The following BMPR1A variants were observed in gnomAD, a reference collection of about 807,000 sequenced individuals.
BMPR1A encodes bone morphogenetic protein receptor type 1A, also known as bone morphogenetic protein receptor type-1A.
Under a neutral mutation model 66.0 loss-of-function variants are expected in BMPR1A, and 7 were observed. The observed-to-expected ratio is 0.11, with a 90% confidence interval of 0.06 to 0.20. The LOEUF (loss-of-function observed/expected upper bound fraction) is 0.20, where lower values mean the gene tolerates loss of function less well. Ranked by LOEUF, BMPR1A falls within the 10% of genes least tolerant of loss-of-function variation. The probability of loss-of-function intolerance (pLI) is 1.00; values close to 1 mark genes in which losing one functional copy is unlikely to be tolerated. For missense variants in BMPR1A, 408 were observed against 669.1 expected, an observed-to-expected ratio of 0.61 and a Z score of 4.31; for synonymous variants, 200 against 229.7, an observed-to-expected ratio of 0.87 and a Z score of 1.17.
At chr10:86,829,395 C>CCCTTGTG (rs1328749461) in intron 1 of BMPR1A, among the ~76,000 whole-genome samples, 6 of 152,076 alleles carry the variant, frequency 3.9e-5, no homozygotes, top group Non-Finnish European at 7.4e-5. Context: ...AAGGAGAGGT[C>CCCTTGTG]CCTTGTGCCT....
rs1472123143 is a variant in BMPR1A at position 86,925,412 on chromosome 10, T to G, written c.*1693T>G. ...CCCATTACCAAAATTTGACTATCAT[T>G]TAAGGTTAAAACTTACAAATTTGTC... On this transcript the variant is annotated 3_prime_UTR_variant, in exon 13 of 13. Transcript: ENST00000372037. 1.4e-5 allele frequency: 3 copies of G among 217,470 alleles called. No individual in the cohort carries two copies. The highest frequency in any genetic ancestry group is 2.8e-5 in the Non-Finnish European group (3 of 108,266). 13.5% of individuals were successfully genotyped at this position (217,470 alleles called of 1,614,324 possible). A position where few individuals can be genotyped will look rare whatever the true frequency, so the allele number is the denominator to read the frequency against.
At chr10:86,883,214 C>A (rs1280554195) in intron 3 of BMPR1A, among the ~76,000 whole-genome samples, 1 of 151,772 alleles carries the variant, frequency 6.6e-6, no homozygotes. Context: ...CTTGGCTGGG[C>A]ACGTTAGCTC....
rs575952836 is a variant in BMPR1A at position 86,880,104 on chromosome 10, A to G, written c.67+4019A>G. On this transcript the variant is annotated intron_variant, in intron 3 of 12. Coordinates refer to ENST00000372037, the MANE Select transcript of BMPR1A (RefSeq NM_004329.3). ...AGGTCTGATTACTGGAAATTGTCCT[A>G]TGGATTGAAAACTCACAGCCTGACT... Among the ~76,000 whole-genome samples, 2 of 152,310 alleles carry G rather than the reference A, an allele frequency of 1.3e-5. 1 individual carries two copies. Among genetic ancestry groups the G allele is most frequent in the South Asian group, 4.1e-4 (2 of 4,822 alleles).
At chr10:86,917,459 C>CT in intron 9 of BMPR1A, 133 bp downstream of exon 9, 2 of 1,092,686 alleles carry the variant, frequency 1.8e-6, no homozygotes, top group Non-Finnish European at 1.4e-6. Context: ...TAGTAGAATA[C>CT]ACGGTTTGAA....
At chr10:86,853,242 A>T (rs1842596188) in intron 2 of BMPR1A, among the ~76,000 whole-genome samples, 1 of 151,598 alleles carries the variant, frequency 6.6e-6, no homozygotes, top group Non-Finnish European at 1.5e-5. Context: ...TAAAAGAACC[A>T]CCCACTTTCA....
At chr10:86,913,300 T>TTTA (rs1843518640) in intron 8 of BMPR1A, among the ~76,000 whole-genome samples, 1 of 149,712 alleles carries the variant, frequency 6.7e-6, no homozygotes, top group Admixed American at 6.6e-5. Context: ...TTTTTTTTTT[T>TTTA]TTTTTTTTTT....
intron 1 of BMPR1A, among the ~76,000 whole-genome samples, chr10:86,810,273 G>A (rs1458514315): frequency 6.6e-6 from 1 of 152,052 alleles, no homozygotes; most frequent in Admixed American, 6.5e-5. Context: ...GAGCCAACAC[G>A]CCTGGCTGCT....
At chr10:86,861,597 A>G (rs771327353) in intron 2 of BMPR1A, among the ~76,000 whole-genome samples, 5 of 152,174 alleles carry the variant, frequency 3.3e-5, no homozygotes, top group Non-Finnish European at 5.9e-5. Flanking sequence ...TTTGTCTGTA[A>G]TTATTTCCAT....
intron 10 of BMPR1A, among the ~76,000 whole-genome samples, chr10:86,919,742 C>T (rs913804067): frequency 6.6e-6 from 1 of 151,526 alleles, no homozygotes; most frequent in African/African-American, 2.4e-5. Context: ...GTGTCTCACT[C>T]AGTTGCCCAG....
intron 5 of BMPR1A, among the ~76,000 whole-genome samples, chr10:86,899,340 T>G (rs1006582362): frequency 6.6e-6 from 1 of 152,238 alleles, no homozygotes; most frequent in African/African-American, 2.4e-5. Context: ...GATGCTCAAC[T>G]TGCCTCTGCA....
chr10:86,868,778 G>GTTTTTTTTTTTGT (rs1554886242), intron 2 of BMPR1A, among the ~76,000 whole-genome samples: 8 of 141,046 alleles, frequency 5.7e-5, no homozygotes, highest in African/African-American at 2.1e-4. Flanking sequence ...CTTTTCCTGT[G>GTTTTTTTTTTTGT]TTTTTTTTTT....
chr10:86,824,126 A>G (rs1842160888), intron 1 of BMPR1A, among the ~76,000 whole-genome samples: 1 of 72,984 alleles, frequency 1.4e-5, no homozygotes, highest in Non-Finnish European at 2.8e-5. Context: ...TTTCAGTCTC[A>G]CTTGTCTGTC....
intron 1 of BMPR1A, among the ~76,000 whole-genome samples, chr10:86,812,372 A>G (rs74691203): frequency 5.3e-4 from 80 of 152,302 alleles, no homozygotes; most frequent in African/African-American, 1.8e-3. Flanking sequence ...GTGGTTGATT[A>G]TCATTCCATT....
At chr10:86,898,850 C>G (rs1843267045) in intron 5 of BMPR1A, among the ~76,000 whole-genome samples, 1 of 152,068 alleles carries the variant, frequency 6.6e-6, no homozygotes, top group Non-Finnish European at 1.5e-5. Flanking sequence ...CAGTTTAACC[C>G]TAACTTTTTT....
intron 8 of BMPR1A, among the ~76,000 whole-genome samples, chr10:86,913,320 G>A (rs1470361024): frequency 7.1e-6 from 1 of 140,720 alleles, no homozygotes; most frequent in Admixed American, 7.4e-5. Context: ...TGAGGGATGA[G>A]GTTTCTCCAT....
At chr10:86,790,188 A>AAAAATATATATATAT (rs1564685490) in intron 1 of BMPR1A, among the ~76,000 whole-genome samples, 1 of 20,272 alleles carries the variant, frequency 4.9e-5, no homozygotes, top group Non-Finnish European at 7.5e-5. Context: ...AAAAAAAAAA[A>AAAAATATATATATAT]ATATATATAT....
intron 9 of BMPR1A, among the ~76,000 whole-genome samples, chr10:86,918,768 A>C (rs1332599699): frequency 6.6e-6 from 1 of 151,924 alleles, no homozygotes; most frequent in Non-Finnish European, 1.5e-5. Context: ...GACCACAGGC[A>C]CTTGCCACCA....
chr10:86,805,377 T>TACACACACACACACACACACACACAC (rs60828047), intron 1 of BMPR1A, among the ~76,000 whole-genome samples: 19 of 142,984 alleles, frequency 1.3e-4, no homozygotes, highest in African/African-American at 3.6e-4. Context: ...CTCCTACCTG[T>TACACACACACACACACACACACACAC]ACACACACAC....
chr10:86,877,804 A>G (rs865953549), intron 3 of BMPR1A, among the ~76,000 whole-genome samples: 1 of 152,228 alleles, frequency 6.6e-6, no homozygotes, highest in African/African-American at 2.4e-5. Context: ...CTTCCAGGTA[A>G]TCTCCATTTT....
Sources: allele counts gnomAD v4.1 joint callset (sites outside exome capture counted in the v4.1 genomes callset), GRCh38; gene constraint gnomAD v4.1.1; transcripts MANE v1.5; gene names NCBI Gene and HGNC (gene_info 2026-07-23, HGNC 2026-07-21).